The following OSMR variants were observed in gnomAD, a reference collection of about 807,000 sequenced individuals.
The protein encoded by OSMR is oncostatin-M-specific receptor subunit beta.
Under a neutral mutation model 99.9 loss-of-function variants are expected in OSMR, and 81 were observed. The ratio of observed to expected loss-of-function variants is 0.81; its 90% CI spans 0.68 to 0.97. OSMR has a LOEUF of 0.97. Among genes scored for constraint, OSMR ranks in the 50% least tolerant of loss-of-function variants. The probability of loss-of-function intolerance (pLI) is 0.00; values close to 1 mark genes in which losing one functional copy is unlikely to be tolerated. For synonymous variants in OSMR, 406 were observed against 410.4 expected, an observed-to-expected ratio of 0.99 and a Z score of 0.13; for missense variants, 1,099 against 1,153.4, an observed-to-expected ratio of 0.95 and a Z score of 0.68.
chr5:38,879,331 G>A (rs935488798), intron 3 of OSMR, among the ~76,000 whole-genome samples: 2 of 152,244 alleles, frequency 1.3e-5, no homozygotes. Context: ...GCATGCTCAG[G>A]TTTTGTTTTT....
intron 15 of OSMR, among the ~76,000 whole-genome samples, chr5:38,925,710 C>T (rs1250622941): frequency 6.6e-6 from 1 of 152,182 alleles, no homozygotes; most frequent in East Asian, 1.9e-4. Context: ...TTAGTGTTGA[C>T]ATCAGAAGAG....
intron 7 of OSMR, among the ~76,000 whole-genome samples, chr5:38,890,475 C>G (rs1744079855): frequency 6.6e-6 from 1 of 152,064 alleles, no homozygotes; most frequent in African/African-American, 2.4e-5. Context: ...TTTTAATTAG[C>G]TATTATATCA....
intron 7 of OSMR, among the ~76,000 whole-genome samples, chr5:38,889,442 G>A (rs1249721715): frequency 6.6e-6 from 1 of 151,332 alleles, no homozygotes. Context: ...TTTTGCTCTG[G>A]TAACTACTTC....
downstream of OSMR, chr5:38,939,314 T>C (rs1747278763): frequency 4.3e-6 from 1 of 232,508 alleles, no homozygotes; most frequent in Non-Finnish European, 8.5e-6. Flanking sequence ...CCCATTAAAG[T>C]TGTCATTTCA....
At chr5:38,892,924 G>C (rs892100975) in intron 7 of OSMR, among the ~76,000 whole-genome samples, 1 of 152,072 alleles carries the variant, frequency 6.6e-6, no homozygotes, top group African/African-American at 2.4e-5. Flanking sequence ...AGCCACCCTT[G>C]CCAGGGCTAG....
Position 38,921,621 on chromosome 5 carries a change from T to C in OSMR, c.1592T>C (p.Val531Ala), listed in dbSNP as rs777955964. 50 of 1,612,710 alleles carry C rather than the reference T, an allele frequency of 3.1e-5. No individual in the cohort carries two copies. Among genetic ancestry groups the C allele is most frequent in the Non-Finnish European group, 4.1e-5 (48 of 1,179,762 alleles). ...TCTATTTGTTTATATACAGAAGAGG[T>C]TGAGGAAGAAAGAATTGCAGGCACA... ...VISADPENKE[V>A]EEERIAGTEG... The change falls in exon 12 of 18, where the codon GTT (valine) becomes GCT (alanine). Residue 531 changes from valine (V) to alanine (A), a missense_variant. Physicochemically the swap from Val to Ala is moderately conservative, Grantham distance 64 (BLOSUM62 0). Coordinates refer to ENST00000274276, the MANE Select transcript of OSMR (RefSeq NM_003999.3).
chr5:38,907,554 T>C (rs572380719), intron 9 of OSMR, among the ~76,000 whole-genome samples: 3 of 152,214 alleles, frequency 2.0e-5, no homozygotes, highest in African/African-American at 7.2e-5. Context: ...ATGGGGCCAG[T>C]CCAATCTGAG....
At position 38,892,099 on chromosome 5, in the gene OSMR, A is replaced by G. The variant is rs554867478; in HGVS notation, c.991+5909A>G. ...GGTGTGGCACCCGTGCGTGCCCCCA[A>G]AAGTGAAGTCCAGCATCAGTTGGAT... On this transcript the variant is annotated intron_variant, in intron 7 of 17. Coordinates refer to ENST00000274276, the MANE Select transcript of OSMR (RefSeq NM_003999.3). Among the ~76,000 whole-genome samples, 18 of 152,296 alleles carry G rather than the reference A, an allele frequency of 1.2e-4. No individual in the cohort carries two copies. The South Asian group carries it at 2.9e-3, about 25-fold the overall frequency.
At chr5:38,917,712 G>A (rs1261954951) in intron 10 of OSMR, 90 bp downstream of exon 10, 1 of 1,054,596 alleles carries the variant, frequency 9.5e-7, no homozygotes, top group South Asian at 1.3e-5. Context: ...CTGTGGATTG[G>A]TTCAGTGTCC....
chr5:38,936,205 T>A (rs1226715284), downstream of OSMR, among the ~76,000 whole-genome samples: 1 of 152,182 alleles, frequency 6.6e-6, no homozygotes, highest in Non-Finnish European at 1.5e-5. Flanking sequence ...CATGACTGTT[T>A]CAGCTCCATC....
chr5:38,883,712 T>G, intron 4 of OSMR, 115 bp from the exon 5 acceptor site: 1 of 1,574,416 alleles, frequency 6.4e-7, no homozygotes, highest in Non-Finnish European at 8.6e-7. Context: ...AGGTTGCTAT[T>G]TTCTCCAGGA....
chr5:38,904,144 T>C (rs1745068176), intron 8 of OSMR, 120 bp downstream of exon 8: 3 of 1,541,084 alleles, frequency 1.9e-6, no homozygotes, highest in African/African-American at 1.4e-5. Context: ...GTGTGGGTCA[T>C]CTGTTTTAAA....
In OSMR at chr5:38,885,428, G is replaced by C; in HGVS notation, c.783G>C (p.Thr261=). The change falls in exon 6 of 18, where the codon ACG becomes ACC. Residue 261 remains threonine, a synonymous_variant. Transcript: ENST00000274276. ...KTLHCTWDPG[T]DTALGWSKQP... The stretch of plus-strand genomic sequence containing the variant: ...TGCACTGTACTTGGGATCCTGGGAC[G>C]GACACTGCCTTGGGGTGGTCTAAAC... The C allele has an allele frequency of 6.2e-7, 1 of 1,613,962 alleles. No individual in the cohort carries two copies. The highest frequency in any genetic ancestry group is 8.5e-7 in the Non-Finnish European group (1 of 1,179,876).
At position 38,869,108 on chromosome 5, in the gene OSMR, C is replaced by T; in HGVS notation, c.64C>T (p.Gln22Ter). 1 of 1,609,280 alleles carries T rather than the reference C, an allele frequency of 6.2e-7. No homozygotes were observed. Among genetic ancestry groups the T allele is most frequent in the Non-Finnish European group, 8.5e-7 (1 of 1,175,644 alleles). Residue 22 changes from glutamine to a stop codon, truncating the protein, a stop_gained, in exon 2 of 18, where the codon CAG (glutamine) becomes TAG (stop). Transcript: ENST00000274276. LOFTEE classifies it high-confidence loss of function. Reference protein sequence around the residue: ...FLTLLSLRTYQSEVLAERLPL... With the variant: ...FLTLLSLRTY ...AACATTGCTGTCCTTGAGGACTTACCAGAGTGAAGGTAAGAAGTGGAAGGA... is the reference window on the plus strand; with the variant it reads ...AACATTGCTGTCCTTGAGGACTTACTAGAGTGAAGGTAAGAAGTGGAAGGA...
chr5:38,889,203 T>C lies in OSMR; in HGVS notation c.991+3013T>C, dbSNP rs543568850. Among the ~76,000 whole-genome samples the C allele has an allele frequency of 7.6e-4, 115 of 152,128 alleles. 1 individual carries two copies. Among genetic ancestry groups the C allele is most frequent in the Non-Finnish European group, 1.5e-3 (101 of 67,998 alleles). ...TTCTTTCAATATGTAGTATCAAATA[T>C]TTTTTTAATTCAGGAAGTTTTTTGA... On this transcript the variant is annotated intron_variant, in intron 7 of 17. Transcript: ENST00000274276.
chr5:38,901,313 G>T (rs1744874396), intron 7 of OSMR, among the ~76,000 whole-genome samples: 1 of 152,144 alleles, frequency 6.6e-6, no homozygotes, highest in Non-Finnish European at 1.5e-5. Context: ...TCCTCAACAG[G>T]TTACTTGGTC....
intron 1 of OSMR, among the ~76,000 whole-genome samples, chr5:38,847,850 G>A (rs910842689): frequency 2.0e-5 from 3 of 152,130 alleles, no homozygotes; most frequent in African/African-American, 7.2e-5. Flanking sequence ...ATCAAAGGTG[G>A]CTTTGAGAGA....
At chr5:38,939,562 A>T (rs941274219), downstream of OSMR, 1 of 231,972 alleles carries the variant, frequency 4.3e-6, no homozygotes. Flanking sequence ...ATTTATCAGT[A>T]TTTACTTAGT....
chr5:38,862,092 TG>T (rs1204581905), intron 1 of OSMR, among the ~76,000 whole-genome samples: 1 of 10,326 alleles, frequency 9.7e-5, no homozygotes. Context: ...GCTGGCCGGG[TG>T]GGGGGCTGAC....
Sources: gnomAD v4.1 joint callset for allele counts (sites outside exome capture counted in the v4.1 genomes callset) on GRCh38, gnomAD v4.1.1 for gene constraint, MANE v1.5 for transcripts, NCBI Gene and HGNC (gene_info 2026-07-23, HGNC 2026-07-21) for gene names.